The following SLC12A6 variants were observed in gnomAD, a reference collection of about 807,000 sequenced individuals.
The protein encoded by SLC12A6 is solute carrier family 12 member 6.
SLC12A6 carries 66 observed loss-of-function variants against 135.3 expected under a neutral mutation model. The ratio of observed to expected loss-of-function variants is 0.49; its 90% CI spans 0.40 to 0.60. SLC12A6 has a LOEUF of 0.60. SLC12A6 is among the 20% of genes least tolerant of loss of function. SLC12A6 has a pLI of 0.00. For missense variants in SLC12A6, 1,058 were observed against 1,452.3 expected (o/e 0.73, Z 4.41); for synonymous variants, 513 against 508.8 (o/e 1.01, Z -0.11).
intron 2 of SLC12A6, among the ~76,000 whole-genome samples, chr15:34,295,428 C>T (rs1895815915): frequency 6.6e-6 from 1 of 152,082 alleles, no homozygotes; most frequent in Admixed American, 6.5e-5. Context: ...TGAGATAAGC[C>T]ACAGAATGAT....
intron 2 of SLC12A6, among the ~76,000 whole-genome samples, chr15:34,279,355 A>G (rs893791551): frequency 6.6e-6 from 1 of 152,028 alleles, no homozygotes; most frequent in African/African-American, 2.4e-5. Context: ...AACAAAAAAA[A>G]CAAAGAACTA....
intron 1 of SLC12A6, 114 bp from the exon 2 acceptor site, chr15:34,336,866 GA>G: frequency 1.6e-6 from 1 of 634,334 alleles, no homozygotes; most frequent in Admixed American, 2.7e-5. Context: ...GACTGTCCTA[GA>G]AAGTGCATCA....
At chr15:34,327,946 A>G (rs1595581464) in intron 2 of SLC12A6, among the ~76,000 whole-genome samples, 1 of 152,306 alleles carries the variant, frequency 6.6e-6, no homozygotes, top group South Asian at 2.1e-4. Flanking sequence ...ATGACTATAA[A>G]CAGGTGAATG....
rs954857255 is a variant in SLC12A6 at position 34,282,268 on chromosome 15, T to C, written c.272-6879A>G. Among the ~76,000 whole-genome samples the C allele has an allele frequency of 5.9e-5, 9 of 152,328 alleles. No individual in the cohort carries two copies. In the South Asian group the frequency reaches 1.9e-3, roughly 32 times the overall value. On this transcript the variant is annotated intron_variant, in intron 2 of 25. Coordinates refer to ENST00000354181, the MANE Select transcript of SLC12A6 (RefSeq NM_001365088.1). ...TAGATAAGTAGATTGCTCTAAAGTG[T>C]AATTTCTCATACCCTTCAAAATGCT...
At position 34,274,509 on chromosome 15, in the gene SLC12A6, G is replaced by A. The variant is rs149114802; in HGVS notation, c.316+836C>T. Among the ~76,000 whole-genome samples, 864 of 152,202 alleles carry A rather than the reference G, an allele frequency of 5.7e-3. 6 individuals carry two copies. Among genetic ancestry groups the A allele is most frequent in the Non-Finnish European group, 9.0e-3 (613 of 67,992 alleles). ...TACACTTTGAAAATTTATCAGTCCT[G>A]AGGTCTTGTGAAATTCCTGTCAAGG... is the stretch of plus-strand genomic sequence containing the variant. On this transcript the variant is annotated intron_variant, in intron 3 of 25. Coordinates refer to ENST00000354181, the MANE Select transcript of SLC12A6 (RefSeq NM_001365088.1).
In SLC12A6 at chr15:34,240,685, G is replaced by A. The variant is rs773206972; in HGVS notation, c.2412C>T (p.Tyr804=). The part of the protein sequence containing the change: ...SVIVGNFLEN[Y]GEALAAEQTI... ...CCTGCTCAGCAGCTAAAGCTTCACC[G>A]TAGTTCTCTAGGAAGTTCCCCACGA... The change falls in exon 19 of 26, where the codon TAC becomes TAT. Residue 804 remains tyrosine (Y), a synonymous_variant. Transcript: ENST00000354181. The A allele has an allele frequency of 2.0e-5, 32 of 1,613,784 alleles. No homozygotes were observed. The Admixed American group carries it at 2.7e-4, about 13-fold the overall frequency.
intron 10 of SLC12A6, 41 bp from the exon 11 acceptor site, chr15:34,251,098 A>AG (rs1892358668): frequency 8.4e-7 from 1 of 1,192,058 alleles, no homozygotes; most frequent in Non-Finnish European, 1.2e-6. Flanking sequence ...CAGCAGTATG[A>AG]AAAAAAAAAG....
intron 2 of SLC12A6, among the ~76,000 whole-genome samples, chr15:34,296,012 A>C (rs550359225): frequency 6.6e-6 from 1 of 152,062 alleles, no homozygotes; most frequent in South Asian, 2.1e-4. Context: ...AAAACAAACA[A>C]ACACACAGTT....
chr15:34,250,974 T>C lies in SLC12A6; in HGVS notation c.1417A>G (p.Asn473Asp), dbSNP rs370477960. 57 of 1,611,610 alleles carry C rather than the reference T, an allele frequency of 3.5e-5. No homozygotes were observed. The African/African-American group carries it at 6.5e-4, about 19-fold the overall frequency. Residue 473 changes from asparagine (N) to aspartate (D), a missense_variant, in exon 11 of 26, where the codon AAC becomes GAC. By Grantham distance (23) the Asn-to-Asp change is conservative. Coordinates refer to ENST00000354181, the MANE Select transcript of SLC12A6 (RefSeq NM_001365088.1). ...ATGTCAACAAGAACATATTCATGGT[T>C]TAAGCTGCCTAAGACATCAGAAGAT... is the stretch of plus-strand genomic sequence containing the variant. ...AKSSDVLGSL[N>D]HEYVLVDITT...
At chr15:34,272,064 C>A (rs553934953) in intron 3 of SLC12A6, among the ~76,000 whole-genome samples, 1 of 152,226 alleles carries the variant, frequency 6.6e-6, no homozygotes, top group African/African-American at 2.4e-5. Context: ...CAACCTCCAC[C>A]TCCTGGTTCA....
chr15:34,271,600 G>A (rs1893949764), intron 3 of SLC12A6, among the ~76,000 whole-genome samples: 1 of 72,064 alleles, frequency 1.4e-5, no homozygotes. Context: ...TAAGTGCAAA[G>A]CTACACACAC....
Position 34,258,839 on chromosome 15 carries a change from T to C in SLC12A6, c.517A>G (p.Thr173Ala). Residue 173 changes from threonine to alanine, a missense_variant, in exon 5 of 26, where the codon ACT becomes GCT. This residue lies in a region of SLC12A6 where 139 missense variants were observed against 202.2 expected (regional missense o/e 0.69). Coordinates refer to ENST00000354181, the MANE Select transcript of SLC12A6 (RefSeq NM_001365088.1). ...TTGGTGGGCTTCTTTTTCCCTTCAG[T>C]GATGTTTTCTGCCTCTTCATGTTCC... Reference protein sequence around the residue: ...AKEHEEAENITEGKKKPTKTP... With the variant: ...AKEHEEAENIAEGKKKPTKTP... 1 of 1,613,738 alleles carries C rather than the reference T, an allele frequency of 6.2e-7. No homozygotes were observed. The highest frequency in any genetic ancestry group is 8.5e-7 in the Non-Finnish European group (1 of 1,179,628).
chr15:34,332,767 C>T (rs1373901745), intron 2 of SLC12A6, among the ~76,000 whole-genome samples: 3 of 149,616 alleles, frequency 2.0e-5, no homozygotes, highest in East Asian at 1.9e-4. Context: ...TGGGCGACAG[C>T]GCGAGACTTT....
At chr15:34,255,869 T>C (rs1892721096) in intron 7 of SLC12A6, among the ~76,000 whole-genome samples, 4 of 151,644 alleles carry the variant, frequency 2.6e-5, no homozygotes, top group African/African-American at 9.7e-5. Context: ...CTCAGGAGGC[T>C]GAAGTGGGAA....
chr15:34,255,543 G>A (rs560878171), intron 7 of SLC12A6, 151 bp from the exon 8 acceptor site: 2 of 546,308 alleles, frequency 3.7e-6, no homozygotes, highest in Admixed American at 7.1e-5. Flanking sequence ...TGTGCTAGTG[G>A]GAAGTAAAAG....
intron 12 of SLC12A6, 126 bp from the exon 13 acceptor site, chr15:34,250,481 G>C: frequency 2.3e-6 from 2 of 852,744 alleles, no homozygotes; most frequent in South Asian, 2.7e-5. Context: ...ATTCTTTTTT[G>C]AATTTTCTAT....
intron 2 of SLC12A6, among the ~76,000 whole-genome samples, chr15:34,279,721 C>T (rs569820607): frequency 2.6e-4 from 40 of 152,168 alleles, no homozygotes; most frequent in Admixed American, 5.2e-4. Flanking sequence ...CTAGTTTTAC[C>T]CCATGATGGT....
chr15:34,298,268 A>AG (rs539444959), intron 2 of SLC12A6, among the ~76,000 whole-genome samples: 24 of 152,204 alleles, frequency 1.6e-4, no homozygotes, highest in African/African-American at 3.4e-4. Context: ...CAAGGTCAGG[A>AG]GTTTGAGACC....
At chr15:34,235,431 A>ATCTTTTTTTT (rs1891188044) in intron 24 of SLC12A6, 117 bp from the exon 25 acceptor site, 1 of 426,192 alleles carries the variant, frequency 2.3e-6, no homozygotes, top group East Asian at 5.2e-5. Flanking sequence ...TGATAAAATG[A>ATCTTTTTTTT]TTTTTTTTTT....
Sources: allele counts gnomAD v4.1 joint callset (sites outside exome capture counted in the v4.1 genomes callset), GRCh38; gene constraint gnomAD v4.1.1; regional missense constraint gnomAD v4.1.1; transcripts MANE v1.5; gene names NCBI Gene and HGNC (gene_info 2026-07-23, HGNC 2026-07-21).